IGF1R: variants seen among roughly 807,000 people sequenced by gnomAD.
IGF1R encodes the protein insulin like growth factor 1 receptor.
Under a neutral mutation model 144.6 loss-of-function variants are expected in IGF1R, and 44 were observed. The ratio of observed to expected loss-of-function variants is 0.30; its 90% CI spans 0.24 to 0.39. The LOEUF is 0.39. Among genes scored for constraint, IGF1R ranks in the 10% least tolerant of loss-of-function variants. The pLI is 1.00. For synonymous variants in IGF1R, 795 were observed against 722.8 expected (o/e 1.10, Z -1.60); for missense variants, 1,355 against 1,833.7 (o/e 0.74, Z 4.77).
intron 2 of IGF1R, among the ~76,000 whole-genome samples, chr15:98,836,598 C>A (rs1051711275): frequency 3.3e-4 from 50 of 151,604 alleles, no homozygotes; most frequent in African/African-American, 1.2e-3. Flanking sequence ...ATCTATACAC[C>A]AATTCTCACA....
chr15:98,744,245 G>A (rs62024530), intron 2 of IGF1R, among the ~76,000 whole-genome samples: 39,968 of 151,870 alleles, frequency 0.26, 5,705 homozygotes, highest in Middle Eastern at 0.32. Flanking sequence ...CCAGCACAGC[G>A]AGGAAAGCAT....
intron 2 of IGF1R, among the ~76,000 whole-genome samples, chr15:98,868,377 G>T (rs1452336571): frequency 7.3e-6 from 1 of 137,740 alleles, no homozygotes; most frequent in Non-Finnish European, 1.6e-5. Context: ...TTTTGGGGGG[G>T]GGGTCCTTTA....
intron 1 of IGF1R, among the ~76,000 whole-genome samples, chr15:98,700,388 T>G (rs1045600805): frequency 2.6e-5 from 4 of 152,070 alleles, no homozygotes; most frequent in African/African-American, 7.2e-5. Flanking sequence ...ACACTGCAGA[T>G]AAGGTGGGTA....
chr15:98,953,990 T>C (rs1393533069), intron 20 of IGF1R, among the ~76,000 whole-genome samples: 4 of 152,054 alleles, frequency 2.6e-5, no homozygotes, highest in Non-Finnish European at 5.9e-5. Flanking sequence ...ACCCTTACTG[T>C]TGAGGGCTGC....
In IGF1R at chr15:98,958,043, A is replaced by C. The variant is rs1339081010; in HGVS notation, c.*601A>C. 1.7e-5 allele frequency: 4 copies of C among 233,972 alleles called. No individual in the cohort carries two copies. The highest frequency in any genetic ancestry group is 8.8e-5 in the African/African-American group (4 of 45,300). The allele number at this position is 233,972 out of a possible 1,614,324, so 14.5% of individuals were successfully genotyped here. A position where few individuals can be genotyped will look rare whatever the true frequency, so the allele number is the denominator to read the frequency against. ...CTGCCTAATTTTGCCAAAATCCTGA[A>C]CTTTCTCCCTCATCGGCCCGGCGCT... On this transcript the variant is annotated 3_prime_UTR_variant, in exon 21 of 21. Coordinates refer to ENST00000650285, the MANE Select transcript of IGF1R (RefSeq NM_000875.5).
intron 2 of IGF1R, among the ~76,000 whole-genome samples, chr15:98,811,490 A>G (rs548804219): frequency 1.3e-5 from 2 of 149,394 alleles, no homozygotes; most frequent in Admixed American, 1.3e-4. Flanking sequence ...AGATCACGCC[A>G]CTGCACTCCA....
rs539575415 is a variant in IGF1R at position 98,761,541 on chromosome 15, C to T, written c.640+53434C>T. Among the ~76,000 whole-genome samples, 9 of 152,360 alleles carry T rather than the reference C, an allele frequency of 5.9e-5. No individual in the cohort carries two copies. The South Asian group carries it at 1.9e-3, about 32-fold the overall frequency. On this transcript the variant is annotated intron_variant, in intron 2 of 20. Transcript: ENST00000650285. ...TCTGAGACTGGCTACCTGGTTGAGT[C>T]TGCCAGAGCCCTGTGTGCAGGTACT...
At chr15:98,931,567 G>C (rs911987297) in intron 15 of IGF1R, among the ~76,000 whole-genome samples, 24 of 152,190 alleles carry the variant, frequency 1.6e-4, no homozygotes, top group Non-Finnish European at 3.1e-4. Context: ...GTCTCACAAA[G>C]TTGGTTTTTT....
At position 98,922,434 on chromosome 15, in the gene IGF1R, A is replaced by G. The variant is rs2015529294; in HGVS notation, c.2485+3A>G. The G allele has an allele frequency of 3.1e-6, 5 of 1,608,502 alleles. No individual in the cohort carries two copies. Among genetic ancestry groups the G allele is most frequent in the Non-Finnish European group, 4.2e-6 (5 of 1,179,994 alleles). ...CTTTGCAAGGACTATGCCCGCAGGT[A>G]TGGTATGATCCAGCTGGCCCCATTG... is the stretch of plus-strand genomic sequence containing the variant. On this transcript the variant is annotated splice_donor_region_variant and intron_variant, in intron 11 of 20. Coordinates refer to ENST00000650285, the MANE Select transcript of IGF1R (RefSeq NM_000875.5).
intron 19 of IGF1R, among the ~76,000 whole-genome samples, chr15:98,946,759 C>T (rs1000529438): frequency 1.3e-5 from 2 of 151,892 alleles, no homozygotes; most frequent in African/African-American, 2.4e-5. Context: ...GCAGTTGGGC[C>T]GGGAGGGCCA....
chr15:98,778,054 A>C (rs1216375330), intron 2 of IGF1R, among the ~76,000 whole-genome samples: 1 of 152,216 alleles, frequency 6.6e-6, no homozygotes, highest in African/African-American at 2.4e-5. Context: ...TGCAGAGCTT[A>C]ATAAGAACAG....
chr15:98,792,970 G>A (rs1008674344), intron 2 of IGF1R, among the ~76,000 whole-genome samples: 4 of 152,146 alleles, frequency 2.6e-5, no homozygotes, highest in African/African-American at 9.7e-5. Flanking sequence ...TTGCTGTATT[G>A]ATTTGTTGGG....
At chr15:98,670,160 A>C (rs767898465) in intron 1 of IGF1R, among the ~76,000 whole-genome samples, 26 of 152,170 alleles carry the variant, frequency 1.7e-4, no homozygotes, top group Non-Finnish European at 4.4e-5. Flanking sequence ...TCTCTTGAGA[A>C]GATAAGGTGT....
At position 98,957,611 on chromosome 15, in the gene IGF1R, G is replaced by C; in HGVS notation, c.*169G>C. ...AGCTTCTCTGCAGTAAAACACATTT[G>C]GGATGTTCCTTTTTTCAATATGCAA... On this transcript the variant is annotated 3_prime_UTR_variant, in exon 21 of 21. Transcript: ENST00000650285. 1 of 769,110 alleles carries C rather than the reference G, an allele frequency of 1.3e-6. No individual in the cohort carries two copies. The highest frequency in any genetic ancestry group is 2.1e-6 in the Non-Finnish European group (1 of 476,830). 47.6% of individuals were successfully genotyped at this position (769,110 alleles called of 1,614,324 possible).
chr15:98,686,298 A>G (rs924647905), intron 1 of IGF1R, among the ~76,000 whole-genome samples: 1 of 152,252 alleles, frequency 6.6e-6, no homozygotes, highest in Non-Finnish European at 1.5e-5. Flanking sequence ...ACCATGTGGT[A>G]TATATGCTTA....
chr15:98,807,123 C>T (rs2056489216), intron 2 of IGF1R, among the ~76,000 whole-genome samples: 1 of 152,232 alleles, frequency 6.6e-6, no homozygotes, highest in Admixed American at 6.5e-5. Context: ...ACCTGGCTTA[C>T]AGTTGCTCAG....
At chr15:98,747,065 G>A (rs1308017204) in intron 2 of IGF1R, among the ~76,000 whole-genome samples, 1 of 152,158 alleles carries the variant, frequency 6.6e-6, no homozygotes, top group Non-Finnish European at 1.5e-5. Flanking sequence ...AGTGCCAAAT[G>A]TTCAGGAGAA....
intron 2 of IGF1R, among the ~76,000 whole-genome samples, chr15:98,848,193 A>G (rs956986155): frequency 6.6e-6 from 1 of 152,196 alleles, no homozygotes; most frequent in African/African-American, 2.4e-5. Flanking sequence ...TTTGAAAAAT[A>G]CATGTTTTGG....
At chr15:98,865,912 G>A (rs2012415164) in intron 2 of IGF1R, among the ~76,000 whole-genome samples, 2 of 152,222 alleles carry the variant, frequency 1.3e-5, no homozygotes, top group African/African-American at 4.8e-5. Context: ...TGCGGTCCGA[G>A]AACCGTAAGA....
Sources: allele counts gnomAD v4.1 joint callset (sites outside exome capture counted in the v4.1 genomes callset), GRCh38; gene constraint gnomAD v4.1.1; transcripts MANE v1.5; gene names NCBI Gene and HGNC (gene_info 2026-07-23, HGNC 2026-07-21).